Variants in OTUD7B observed in about 807,000 individuals in gnomAD.
OTUD7B encodes OTU domain-containing protein 7B.
A neutral mutation model predicts 82.2 loss-of-function variants in OTUD7B; 34 were observed. The ratio of observed to expected loss-of-function variants is 0.41; its 90% CI spans 0.31 to 0.55. The LOEUF is 0.55. Among genes scored for constraint, OTUD7B ranks in the 20% least tolerant of loss-of-function variants. The probability of loss-of-function intolerance (pLI) is 0.20; values close to 1 mark genes in which losing one functional copy is unlikely to be tolerated. For synonymous variants in OTUD7B, 398 were observed against 402.7 expected (o/e 0.99, Z 0.14); for missense variants, 944 against 1,062.1 (o/e 0.89, Z 1.55).
At chr1:150,025,477 A>G in the OTUD7B span, among the ~76,000 whole-genome samples, 4 of 151,722 alleles carry the variant, frequency 2.6e-5, no homozygotes, top group African/African-American at 9.7e-5. Context: ...ACACAAATAG[A>G]CCTCAGGAAA....
chr1:149,989,506 T>C (rs587687895), intron 1 of OTUD7B, among the ~76,000 whole-genome samples: 1 of 145,866 alleles, frequency 6.9e-6, no homozygotes, highest in South Asian at 2.2e-4. Flanking sequence ...AATTAGAAAT[T>C]TGGGCCAGGT....
At chr1:150,042,720 G>A in the OTUD7B span, among the ~76,000 whole-genome samples, 1 of 151,986 alleles carries the variant, frequency 6.6e-6, no homozygotes, top group Non-Finnish European at 1.5e-5. Context: ...ACTTAGCTGA[G>A]GCCCTAAGGT....
At position 149,944,252 on chromosome 1, in the gene OTUD7B, T is replaced by C. The variant is rs1553771292; in HGVS notation, c.2137A>G (p.Arg713Gly). 6.2e-7 allele frequency: 1 copy of C among 1,611,918 alleles called. No individual in the cohort carries two copies. Among genetic ancestry groups the C allele is most frequent in the Non-Finnish European group, 8.5e-7 (1 of 1,178,686 alleles). ...GGGVHCQEPR[R>G]QLAGGPCVGG... ...ACACATGGACCCCCTGCCAACTGCC[T>C]CCGGGGTTCCTGGCAGTGGACTCCG... The change falls in exon 12 of 12, where the codon AGG becomes GGG. Residue 713 changes from arginine (R) to glycine (G), a missense_variant. This residue lies in a region of OTUD7B where 412 missense variants were observed against 418.7 expected (regional missense o/e 0.98). Transcript: ENST00000581312.
chr1:149,988,063 T>C (rs1206356746), intron 1 of OTUD7B, among the ~76,000 whole-genome samples: 1 of 152,192 alleles, frequency 6.6e-6, no homozygotes, highest in Admixed American at 6.6e-5. Context: ...TCATGTATAT[T>C]ATCTATTTTT....
In OTUD7B at chr1:149,941,341, C is replaced by T. The variant is rs1647238259; in HGVS notation, c.*2516G>A. The stretch of plus-strand genomic sequence containing the variant: ...TGTTTTCATTCCTATTGGTCCAGGC[C>T]ACCATTCTATGATATGAAGGCCTAA... On this transcript the variant is annotated 3_prime_UTR_variant, in exon 12 of 12. Transcript: ENST00000581312. 2 of 152,206 alleles carry T rather than the reference C, an allele frequency of 1.3e-5. No individual in the cohort carries two copies. Among genetic ancestry groups the T allele is most frequent in the Admixed American group, 1.3e-4 (2 of 15,272 alleles). 9.4% of individuals were successfully genotyped at this position (152,206 alleles called of 1,614,324 possible).
At chr1:150,000,553 T>C (rs1163209281) in intron 1 of OTUD7B, among the ~76,000 whole-genome samples, 1 of 151,980 alleles carries the variant, frequency 6.6e-6, no homozygotes, top group Non-Finnish European at 1.5e-5. Flanking sequence ...GTTTAAAATT[T>C]AGGTGACTGA....
chr1:149,945,179 A>G, intron 11 of OTUD7B, 114 bp from the exon 12 acceptor site: 2 of 1,399,458 alleles, frequency 1.4e-6, no homozygotes, highest in South Asian at 1.4e-5. Flanking sequence ...AGCCATGGCT[A>G]TAGAAATTAG....
chr1:150,015,288 C>CT, upstream of OTUD7B, among the ~76,000 whole-genome samples: 1 of 10,604 alleles, frequency 9.4e-5, no homozygotes, highest in East Asian at 2.9e-3. Flanking sequence ...TTTTTTCTTT[C>CT]TCTTTTTTTT....
rs1553772912 is a variant in OTUD7B, at chr1:149,949,714, G to C, written c.1038C>G (p.His346Gln). Residue 346 changes from histidine (H) to glutamine (Q), a missense_variant, in exon 9 of 12, where the codon CAC becomes CAG. His to Gln is a conservative substitution (Grantham distance 24). Coordinates refer to ENST00000581312, the MANE Select transcript of OTUD7B (RefSeq NM_020205.4). ...CATAGGCGAGCACCAGAGGGGAGCG[G>C]TGACACTGGCTGGCTGGGACCTCCA... ...LPLEVPASQCHRSPLVLAYDQ... is the reference protein window; with the variant it reads ...LPLEVPASQCQRSPLVLAYDQ... The C allele has an allele frequency of 1.9e-6, 3 of 1,614,170 alleles. No individual in the cohort carries two copies. The South Asian group carries it at 3.3e-5, about 18-fold the overall frequency.
At chr1:150,024,155 A>G in the OTUD7B span, among the ~76,000 whole-genome samples, 1 of 152,360 alleles carries the variant, frequency 6.6e-6, no homozygotes, top group South Asian at 2.1e-4. Flanking sequence ...TAAATATTCC[A>G]TTCCACAAGT....
the OTUD7B span, among the ~76,000 whole-genome samples, chr1:150,044,513 A>T: frequency 1.3e-5 from 2 of 151,802 alleles, no homozygotes; most frequent in South Asian, 4.1e-4. Flanking sequence ...TATTACAGGC[A>T]TGAGCCCACC....
chr1:149,942,250 A>G lies in OTUD7B; in HGVS notation c.*1607T>C, dbSNP rs182111835. On this transcript the variant is annotated 3_prime_UTR_variant, in exon 12 of 12. Transcript: ENST00000581312. ...CAGTTAATACTCTGGACACATAAGT[A>G]CACTTATTCCCCTTCTTCACATGCA... 6.5e-6 allele frequency: 1 copy of G among 152,782 alleles called. No individual in the cohort carries two copies. Among genetic ancestry groups the G allele is most frequent in the Admixed American group, 6.5e-5 (1 of 15,304 alleles). The allele number at this position is 152,782 out of a possible 1,614,324, so 9.5% of individuals were successfully genotyped here. A position where few individuals can be genotyped will look rare whatever the true frequency, so the allele number is the denominator to read the frequency against.
the OTUD7B span, among the ~76,000 whole-genome samples, chr1:150,057,082 G>A: frequency 6.6e-6 from 1 of 152,158 alleles, no homozygotes; most frequent in African/African-American, 2.4e-5. Context: ...TCAACATTAT[G>A]TATGCCATGA....
intron 1 of OTUD7B, among the ~76,000 whole-genome samples, chr1:149,990,466 T>C (rs1373670136): frequency 4.6e-5 from 7 of 152,214 alleles, no homozygotes; most frequent in Non-Finnish European, 7.3e-5. Context: ...AAAATAGGCT[T>C]GTGAGTTACA....
At chr1:150,016,446 C>CTTTTCTT in the OTUD7B span, among the ~76,000 whole-genome samples, 5 of 130,062 alleles carry the variant, frequency 3.8e-5, no homozygotes, top group Non-Finnish European at 6.4e-5. Context: ...TTTCTCTTTT[C>CTTTTCTT]TTTTTCTTTT....
intron 1 of OTUD7B, among the ~76,000 whole-genome samples, chr1:150,000,300 C>T (rs1374298227): frequency 4.6e-5 from 7 of 151,478 alleles, no homozygotes; most frequent in African/African-American, 1.7e-4. Context: ...ATTAGGAAAC[C>T]CTGTCTCTAC....
Position 149,954,538 on chromosome 1 carries a change from G to C in OTUD7B, c.846-4317C>G, listed in dbSNP as rs901478539. 7.2e-5 allele frequency among the ~76,000 whole-genome samples: 11 copies of C among 152,222 alleles called. No homozygotes were observed. In the South Asian group the frequency reaches 1.4e-3, roughly 20 times the overall value. The stretch of plus-strand genomic sequence containing the variant: ...TTTGTTGTGTCTCTGCCAGGCTTTG[G>C]TATCAGGATGATGCTGGCCTCATAA... On this transcript the variant is annotated intron_variant, in intron 7 of 11. Coordinates refer to ENST00000581312, the MANE Select transcript of OTUD7B (RefSeq NM_020205.4).
chr1:150,012,204 T>C (rs1179458460), upstream of OTUD7B, among the ~76,000 whole-genome samples: 2 of 152,148 alleles, frequency 1.3e-5, no homozygotes, highest in African/African-American at 4.8e-5. Context: ...CTAAATTGAC[T>C]CTAACTGAAC....
At chr1:150,034,538 A>C in the OTUD7B span, among the ~76,000 whole-genome samples, 1 of 152,228 alleles carries the variant, frequency 6.6e-6, no homozygotes, top group Non-Finnish European at 1.5e-5. Context: ...ATCCTCATTC[A>C]GCAAGCTTGT....
Sources: gnomAD v4.1 joint callset for allele counts (sites outside exome capture counted in the v4.1 genomes callset) on GRCh38, gnomAD v4.1.1 for gene constraint, gnomAD v4.1.1 regional missense constraint, MANE v1.5 for transcripts, NCBI Gene and HGNC (gene_info 2026-07-23, HGNC 2026-07-21) for gene names.